The following HCRTR2 variants were observed in gnomAD, a reference collection of about 807,000 sequenced individuals.
The protein encoded by HCRTR2 is orexin receptor type 2.
In HCRTR2, 22 loss-of-function variants were observed where a neutral mutation model predicts 49.0. The observed-to-expected ratio is 0.45, with a 90% CI of 0.32 to 0.64. The LOEUF is 0.64. HCRTR2 is among the 30% of genes least tolerant of loss of function. The pLI is 0.04. For missense variants in HCRTR2, 491 were observed against 559.4 expected (o/e 0.88, Z 1.23); for synonymous variants, 236 against 205.3 (o/e 1.15, Z -1.28).
chr6:55,203,238 A>G (rs1765541551), intron 1 of HCRTR2, among the ~76,000 whole-genome samples: 1 of 152,256 alleles, frequency 6.6e-6, no homozygotes. Flanking sequence ...TTCCATACAT[A>G]AAAACTCATT....
chr6:55,204,759 A>C (rs115191528), intron 1 of HCRTR2, among the ~76,000 whole-genome samples: 4,105 of 152,030 alleles, frequency 0.027, 182 homozygotes, highest in African/African-American at 0.094. Context: ...AAATATCCAA[A>C]TCCTCTCCCC....
chr6:55,280,424 T>C lies in HCRTR2; in HGVS notation c.1085T>C (p.Ile362Thr). The C allele has an allele frequency of 3.1e-6, 5 of 1,612,414 alleles. No individual in the cohort carries two copies. Among genetic ancestry groups the C allele is most frequent in the Non-Finnish European group, 4.2e-6 (5 of 1,178,660 alleles). ...LVYANSAANP[I>T]IYNFLSGKFR... ...TATGCCAATAGTGCTGCGAATCCAA[T>C]TATTTATAATTTTCTCAGTGGTGAG... Residue 362 changes from isoleucine to threonine, a missense_variant, in exon 6 of 7, where the codon ATT becomes ACT. Physicochemically the swap from Ile to Thr is moderately conservative, Grantham distance 89. Coordinates refer to ENST00000370862, the MANE Select transcript of HCRTR2 (RefSeq NM_001384272.1).
At chr6:55,167,135 A>C (rs536321324) in intron 1 of HCRTR2, among the ~76,000 whole-genome samples, 1 of 152,178 alleles carries the variant, frequency 6.6e-6, no homozygotes, top group East Asian at 1.9e-4. Flanking sequence ...AAAATGGTTA[A>C]AACATTACTG....
At chr6:55,141,828 A>T (rs576606457) in intron 1 of HCRTR2, among the ~76,000 whole-genome samples, 2 of 152,312 alleles carry the variant, frequency 1.3e-5, no homozygotes, top group South Asian at 2.1e-4. Flanking sequence ...CATTCAGAAC[A>T]TTGCAAATAT....
At chr6:55,240,676 G>A (rs1581850200) in intron 1 of HCRTR2, 1 of 255,750 alleles carries the variant, frequency 3.9e-6, no homozygotes, top group East Asian at 1.3e-4. Context: ...AAAGGAAAAT[G>A]CCTCAGGATT....
intron 3 of HCRTR2, among the ~76,000 whole-genome samples, chr6:55,255,587 A>G (rs986074309): frequency 1.3e-5 from 2 of 152,122 alleles, no homozygotes; most frequent in African/African-American, 4.8e-5. Context: ...GTTATCTATT[A>G]TTTTCTCATT....
chr6:55,228,361 T>C (rs1766051817), intron 1 of HCRTR2, among the ~76,000 whole-genome samples: 1 of 152,196 alleles, frequency 6.6e-6, no homozygotes, highest in Non-Finnish European at 1.5e-5. Context: ...TTTTAATATG[T>C]AATATTGTAG....
intron 1 of HCRTR2, among the ~76,000 whole-genome samples, chr6:55,213,170 A>G (rs1211876189): frequency 6.6e-6 from 1 of 152,152 alleles, no homozygotes; most frequent in Non-Finnish European, 1.5e-5. Context: ...GCAAATGCCT[A>G]AGGTGTTGGA....
At chr6:55,131,290 G>GT (rs1367821081) in intron 1 of HCRTR2, among the ~76,000 whole-genome samples, 1 of 151,564 alleles carries the variant, frequency 6.6e-6, no homozygotes, top group Non-Finnish European at 1.5e-5. Flanking sequence ...GATTTTACCT[G>GT]TTTGGGGAAT....
At chr6:55,165,249 G>C (rs1482091646) in intron 1 of HCRTR2, among the ~76,000 whole-genome samples, 1 of 151,782 alleles carries the variant, frequency 6.6e-6, no homozygotes, top group South Asian at 2.1e-4. Flanking sequence ...GTGGGATAGG[G>C]GTAGAAAGTT....
At chr6:55,182,887 T>C (rs1289461188) in intron 1 of HCRTR2, among the ~76,000 whole-genome samples, 1 of 152,334 alleles carries the variant, frequency 6.6e-6, no homozygotes, top group South Asian at 2.1e-4. Context: ...TGGTGATGTC[T>C]CTGTCACAGA....
intron 1 of HCRTR2, among the ~76,000 whole-genome samples, chr6:55,245,066 A>G (rs1251358239): frequency 6.6e-6 from 1 of 151,800 alleles, no homozygotes; most frequent in Non-Finnish European, 1.5e-5. Context: ...TTGGGTTACT[A>G]TAGGCTTATA....
intron 3 of HCRTR2, 128 bp downstream of exon 3, chr6:55,255,507 G>A (rs1766636681): frequency 9.3e-7 from 1 of 1,073,648 alleles, no homozygotes; most frequent in Non-Finnish European, 1.4e-6. Flanking sequence ...TTTTGCAAGA[G>A]CATGAAAACC....
chr6:55,244,865 G>A (rs999169121), intron 1 of HCRTR2, among the ~76,000 whole-genome samples: 1 of 151,832 alleles, frequency 6.6e-6, no homozygotes, highest in Non-Finnish European at 1.5e-5. Flanking sequence ...GTTTAGTTTT[G>A]TTCTTCCGCA....
intron 1 of HCRTR2, among the ~76,000 whole-genome samples, chr6:55,124,184 C>G (rs1334396681): frequency 6.6e-6 from 1 of 152,072 alleles, no homozygotes; most frequent in African/African-American, 2.4e-5. Context: ...TGCTGCTTCT[C>G]TAGTTCTTTT....
chr6:55,284,234 G>T (rs546355151), downstream of HCRTR2, among the ~76,000 whole-genome samples: 9 of 152,178 alleles, frequency 5.9e-5, 3 homozygotes, highest in African/African-American at 2.2e-4. Context: ...AGATTGAGAG[G>T]GAAAGGGGGA....
intron 2 of HCRTR2, among the ~76,000 whole-genome samples, chr6:55,254,335 T>C (rs1012038242): frequency 2.6e-5 from 4 of 152,142 alleles, no homozygotes; most frequent in African/African-American, 7.2e-5. Context: ...AGAGAGCACA[T>C]TGAACATAAT....
chr6:55,108,107 TA>T (rs1692030456), intron 1 of HCRTR2, among the ~76,000 whole-genome samples: 1 of 152,190 alleles, frequency 6.6e-6, no homozygotes, highest in Non-Finnish European at 1.5e-5. Context: ...AAACTGCATT[TA>T]AAAATTGTTT....
intron 1 of HCRTR2, among the ~76,000 whole-genome samples, chr6:55,194,061 T>C (rs986185117): frequency 1.3e-5 from 2 of 152,134 alleles, no homozygotes; most frequent in Non-Finnish European, 2.9e-5. Flanking sequence ...TTCTTTCCCG[T>C]GATCATAGAT....
Sources: gnomAD v4.1 joint callset for allele counts (sites outside exome capture counted in the v4.1 genomes callset) on GRCh38, gnomAD v4.1.1 for gene constraint, MANE v1.5 for transcripts, NCBI Gene and HGNC (gene_info 2026-07-23, HGNC 2026-07-21) for gene names.